The following EEFSEC variants were observed in gnomAD, a reference collection of about 807,000 sequenced individuals.
EEFSEC encodes the protein selenocysteine-specific elongation factor.
In EEFSEC, 43 loss-of-function variants were observed where a neutral mutation model predicts 42.1. That is an observed-to-expected ratio of 1.02 (90% confidence interval 0.80 to 1.32). The LOEUF (loss-of-function observed/expected upper bound fraction) is 1.32, where lower values mean the gene tolerates loss of function less well. Ranked by LOEUF, EEFSEC falls within the 40% of genes most tolerant of loss-of-function variation. The pLI is 0.00. For synonymous variants in EEFSEC, 354 were observed against 339.1 expected (o/e 1.04, Z -0.48); for missense variants, 745 against 803.6 (o/e 0.93, Z 0.88).
chr3:128,391,856 A>G (rs75883603), intron 6 of EEFSEC, among the ~76,000 whole-genome samples: 1,769 of 152,296 alleles, frequency 0.012, 33 homozygotes, highest in African/African-American at 0.041. Context: ...AAGACAAGCA[A>G]CGAATGCAGG....
intron 1 of EEFSEC, among the ~76,000 whole-genome samples, chr3:128,214,852 A>G (rs2065793466): frequency 6.6e-6 from 1 of 152,244 alleles, no homozygotes; most frequent in African/African-American, 2.4e-5. Context: ...GGTGGGCAGC[A>G]CTTACAGCTG....
rs150904376 is a variant in EEFSEC, at chr3:128,339,168, A to G, written c.787-2065A>G. Among the ~76,000 whole-genome samples, 822 of 152,172 alleles carry G rather than the reference A, an allele frequency of 5.4e-3. 10 individuals are homozygous for G. The highest frequency in any genetic ancestry group is 0.019 in the African/African-American group (786 of 41,496). ...GATGTTTTCTGTTTCTTTGTGATTGATCTTGGCTGTGGCTTTTGACACTGT... is the reference window on the plus strand; with the variant it reads ...GATGTTTTCTGTTTCTTTGTGATTGGTCTTGGCTGTGGCTTTTGACACTGT... On this transcript the variant is annotated intron_variant, in intron 4 of 6. Transcript: ENST00000254730.
intron 4 of EEFSEC, among the ~76,000 whole-genome samples, chr3:128,301,043 T>A (rs546666927): frequency 1.4e-3 from 215 of 152,324 alleles, no homozygotes; most frequent in African/African-American, 4.7e-3. Flanking sequence ...TTCTTTATCC[T>A]CAAACAAGCT....
chr3:128,235,752 A>G (rs1333046065), intron 1 of EEFSEC, among the ~76,000 whole-genome samples: 2 of 152,226 alleles, frequency 1.3e-5, no homozygotes, highest in South Asian at 2.1e-4. Context: ...ACAGGCAGTC[A>G]GGCTGGTTCT....
chr3:128,229,346 G>T (rs1450453932), intron 1 of EEFSEC, among the ~76,000 whole-genome samples: 1 of 152,188 alleles, frequency 6.6e-6, no homozygotes, highest in Non-Finnish European at 1.5e-5. Context: ...CCACTGGAGG[G>T]GCAAGGGCTG....
Position 128,376,431 on chromosome 3 carries a change from C to T in EEFSEC, c.1600+18058C>T, listed in dbSNP as rs938416832. On this transcript the variant is annotated intron_variant, in intron 6 of 6. Transcript: ENST00000254730. ...GCCCCGCAGCATTCTGGGCCAGCTT[C>T]GCTTCCTGAGCCCTCTGGACTGCTG... Among the ~76,000 whole-genome samples, 5 of 152,304 alleles carry T rather than the reference C, an allele frequency of 3.3e-5. No homozygotes were observed. The East Asian group carries it at 7.7e-4, about 24-fold the overall frequency.
chr3:128,178,574 T>C (rs1206225593), intron 1 of EEFSEC, among the ~76,000 whole-genome samples: 1 of 152,210 alleles, frequency 6.6e-6, no homozygotes, highest in Non-Finnish European at 1.5e-5. Flanking sequence ...AGAAGTAATA[T>C]ATAAAACCCA....
At chr3:128,214,237 G>T (rs949141426) in intron 1 of EEFSEC, among the ~76,000 whole-genome samples, 2 of 152,142 alleles carry the variant, frequency 1.3e-5, no homozygotes, top group Non-Finnish European at 2.9e-5. Context: ...GAAAGAGAAC[G>T]AGAACATGCA....
intron 1 of EEFSEC, among the ~76,000 whole-genome samples, chr3:128,210,953 G>A (rs1016495777): frequency 2.6e-5 from 4 of 152,276 alleles, no homozygotes; most frequent in Admixed American, 6.5e-5. Context: ...GACTGACTTC[G>A]CCAACTGCCA....
rs1315423982 is a variant in EEFSEC at position 128,341,586 on chromosome 3, G to T, written c.1140G>T (p.Leu380=). ...AATACCTTTTCCAGGAGCAGTACCT[G>T]TCCAAGGATTTGACACCAGCAGTGA... is the stretch of plus-strand genomic sequence containing the variant. ...SQEYLFQEQY[L]SKDLTPAVTD... The change falls in exon 5 of 7, where the codon CTG becomes CTT. Residue 380 remains leucine (L), a synonymous_variant. Coordinates refer to ENST00000254730, the MANE Select transcript of EEFSEC (RefSeq NM_021937.5). The T allele has an allele frequency of 1.2e-6, 2 of 1,614,024 alleles. No homozygotes were observed. The highest frequency in any genetic ancestry group is 4.5e-5 in the East Asian group (2 of 44,880).
At chr3:128,389,844 G>C (rs2067886883) in intron 6 of EEFSEC, among the ~76,000 whole-genome samples, 1 of 152,238 alleles carries the variant, frequency 6.6e-6, no homozygotes, top group South Asian at 2.1e-4. Context: ...GAACTAACTA[G>C]CTTGAGAGAG....
At chr3:128,245,275 T>C (rs2066115595) in intron 1 of EEFSEC, among the ~76,000 whole-genome samples, 1 of 152,046 alleles carries the variant, frequency 6.6e-6, no homozygotes, top group African/African-American at 2.4e-5. Context: ...AGAGGAGAGT[T>C]GGTAATTCAG....
At chr3:128,398,783 C>A (rs1038576617) in intron 6 of EEFSEC, among the ~76,000 whole-genome samples, 1 of 152,192 alleles carries the variant, frequency 6.6e-6, no homozygotes, top group Admixed American at 6.5e-5. Context: ...AGGAAGGTAA[C>A]CTTTGGGGCA....
chr3:128,391,806 C>A (rs2067916591), intron 6 of EEFSEC, among the ~76,000 whole-genome samples: 1 of 152,232 alleles, frequency 6.6e-6, no homozygotes, highest in Admixed American at 6.5e-5. Context: ...GGGACAGTGC[C>A]TGGTGCCCAG....
At chr3:128,399,289 G>A (rs2068020789) in intron 6 of EEFSEC, among the ~76,000 whole-genome samples, 1 of 152,144 alleles carries the variant, frequency 6.6e-6, no homozygotes, top group Admixed American at 6.5e-5. Context: ...GTAAATTAAA[G>A]GAGGAATTAG....
chr3:128,296,670 A>C (rs571470301), intron 4 of EEFSEC, among the ~76,000 whole-genome samples: 29 of 151,972 alleles, frequency 1.9e-4, no homozygotes, highest in African/African-American at 7.0e-4. Flanking sequence ...CCTCCACGCT[A>C]CACACATATG....
At chr3:128,330,369 T>G (rs185070574) in intron 4 of EEFSEC, among the ~76,000 whole-genome samples, 19 of 152,280 alleles carry the variant, frequency 1.2e-4, no homozygotes, top group Admixed American at 1.0e-3. Context: ...GCAGGCACTG[T>G]GCTGAGGATC....
intron 6 of EEFSEC, among the ~76,000 whole-genome samples, chr3:128,385,172 G>A (rs953233646): frequency 6.6e-6 from 1 of 152,192 alleles, no homozygotes; most frequent in Non-Finnish European, 1.5e-5. Flanking sequence ...ATGCAGTCTG[G>A]ACACCTCCAG....
intron 5 of EEFSEC, among the ~76,000 whole-genome samples, chr3:128,356,947 C>T (rs1461555036): frequency 6.6e-6 from 1 of 152,272 alleles, no homozygotes; most frequent in Admixed American, 6.5e-5. Flanking sequence ...GCTTTTGCTG[C>T]TGCAGTGAGT....
Sources: allele counts gnomAD v4.1 joint callset (sites outside exome capture counted in the v4.1 genomes callset), GRCh38; gene constraint gnomAD v4.1.1; transcripts MANE v1.5; gene names NCBI Gene and HGNC (gene_info 2026-07-23, HGNC 2026-07-21).